ARB2A: variants seen among roughly 807,000 people sequenced by gnomAD.
ARB2A encodes the protein cotranscriptional regulator ARB2A.
the ARB2A span, among the ~76,000 whole-genome samples, chr5:93,778,706 C>T: frequency 5.9e-5 from 9 of 152,114 alleles, no homozygotes; most frequent in East Asian, 1.5e-3. Flanking sequence ...GGTGATATGT[C>T]GGTCTTCCTA....
chr5:93,989,402 T>C, the ARB2A span, among the ~76,000 whole-genome samples: 1 of 152,128 alleles, frequency 6.6e-6, no homozygotes, highest in African/African-American at 2.4e-5. Context: ...TATGCCTCCA[T>C]TTATAATTAA....
the ARB2A span, among the ~76,000 whole-genome samples, chr5:93,982,425 C>T: frequency 3.6e-3 from 554 of 152,248 alleles, 1 homozygote; most frequent in African/African-American, 0.013. Flanking sequence ...TGTACATGCA[C>T]AGACACACAA....
the ARB2A span, chr5:94,074,651 A>G: frequency 1.2e-6 from 2 of 1,610,648 alleles, no homozygotes; most frequent in Non-Finnish European, 1.7e-6. Context: ...TGTACCTTTC[A>G]GTGCGGTAGT....
chr5:93,918,076 A>T, the ARB2A span, among the ~76,000 whole-genome samples: 1 of 152,160 alleles, frequency 6.6e-6, no homozygotes, highest in Non-Finnish European at 1.5e-5. Flanking sequence ...TCCTAATTTC[A>T]TACCTGAATA....
the ARB2A span, among the ~76,000 whole-genome samples, chr5:93,891,956 T>C: frequency 6.6e-6 from 1 of 152,160 alleles, no homozygotes; most frequent in Non-Finnish European, 1.5e-5. Context: ...GCCTATTCAC[T>C]CATGAATCCT....
the ARB2A span, among the ~76,000 whole-genome samples, chr5:93,980,033 T>C: frequency 2.0e-5 from 3 of 152,170 alleles, no homozygotes; most frequent in Admixed American, 2.0e-4. Flanking sequence ...GTATTTGTTG[T>C]TGCTTATTAT....
At chr5:94,095,300 G>C in the ARB2A span, among the ~76,000 whole-genome samples, 4 of 152,188 alleles carry the variant, frequency 2.6e-5, no homozygotes, top group Non-Finnish European at 5.9e-5. Flanking sequence ...CATCCGTAAA[G>C]TGAGGGCAAA....
At chr5:93,678,754 T>TAA in the ARB2A span, among the ~76,000 whole-genome samples, 2 of 137,726 alleles carry the variant, frequency 1.5e-5, no homozygotes, top group Admixed American at 7.3e-5. Context: ...AGACTTCGTC[T>TAA]AAAAAAAAAA....
At chr5:94,073,290 C>T in the ARB2A span, among the ~76,000 whole-genome samples, 1 of 151,956 alleles carries the variant, frequency 6.6e-6, no homozygotes, top group Admixed American at 6.6e-5. Context: ...ACCCTTACAC[C>T]CCCATTTGTA....
the ARB2A span, among the ~76,000 whole-genome samples, chr5:93,931,342 T>G: frequency 0.092 from 13,951 of 152,160 alleles, 808 homozygotes; most frequent in Middle Eastern, 0.16. Context: ...TGCATGCCTG[T>G]AATCCCAGCT....
At chr5:93,721,149 T>C in the ARB2A span, among the ~76,000 whole-genome samples, 6 of 152,114 alleles carry the variant, frequency 3.9e-5, no homozygotes, top group African/African-American at 1.4e-4. Flanking sequence ...ATTTGATAGG[T>C]TTGTAAAGGG....
chr5:93,888,474 T>C, the ARB2A span, among the ~76,000 whole-genome samples: 2 of 151,864 alleles, frequency 1.3e-5, no homozygotes, highest in African/African-American at 2.4e-5. Flanking sequence ...GGCAGATTCA[T>C]CTCATTAACT....
the ARB2A span, among the ~76,000 whole-genome samples, chr5:93,801,400 AGC>A: frequency 6.6e-6 from 1 of 152,170 alleles, no homozygotes; most frequent in Non-Finnish European, 1.5e-5. Flanking sequence ...TTAAAGTGAG[AGC>A]ACAGAAACCA....
At chr5:94,037,993 A>G in the ARB2A span, among the ~76,000 whole-genome samples, 76 of 152,124 alleles carry the variant, frequency 5.0e-4, no homozygotes, top group Non-Finnish European at 9.9e-4. Context: ...TCAATAAGAA[A>G]ACAAGCTTAT....
the ARB2A span, among the ~76,000 whole-genome samples, chr5:94,085,215 T>A: frequency 2.3e-3 from 357 of 152,360 alleles, no homozygotes; most frequent in African/African-American, 8.2e-3. Context: ...GTTTCCATCA[T>A]CAAAACAGTC....
the ARB2A span, among the ~76,000 whole-genome samples, chr5:94,021,647 G>A: frequency 6.6e-6 from 1 of 152,154 alleles, no homozygotes; most frequent in South Asian, 2.1e-4. Flanking sequence ...ATAAGAAACT[G>A]GACTACTGAA....
chr5:93,783,774 C>A, the ARB2A span, among the ~76,000 whole-genome samples: 1 of 152,092 alleles, frequency 6.6e-6, no homozygotes, highest in Non-Finnish European at 1.5e-5. Flanking sequence ...ATAATGGGAG[C>A]ATATTCAATG....
At chr5:93,799,748 T>C in the ARB2A span, among the ~76,000 whole-genome samples, 1 of 152,100 alleles carries the variant, frequency 6.6e-6, no homozygotes, top group South Asian at 2.1e-4. Context: ...CACTGTTTTG[T>C]TTATGAACTG....
chr5:93,877,518 C>A, the ARB2A span, among the ~76,000 whole-genome samples: 1 of 152,078 alleles, frequency 6.6e-6, no homozygotes, highest in Non-Finnish European at 1.5e-5. Flanking sequence ...CAGCACATAT[C>A]TGCTTTTAAG....
Sources: allele counts gnomAD v4.1 joint callset (sites outside exome capture counted in the v4.1 genomes callset), GRCh38; gene constraint gnomAD v4.1.1; transcripts MANE v1.5; gene names NCBI Gene and HGNC (gene_info 2026-07-23, HGNC 2026-07-21).